FAM13A: variants seen among roughly 807,000 people sequenced by gnomAD.
FAM13A encodes the protein protein FAM13A.
FAM13A carries 76 observed loss-of-function variants against 129.6 expected under a neutral mutation model. The observed-to-expected ratio is 0.59, with a 90% CI of 0.49 to 0.71. The LOEUF (loss-of-function observed/expected upper bound fraction) is 0.71. FAM13A is among the 30% of genes least tolerant of loss of function. The pLI is 0.00. For missense variants in FAM13A, 1,108 were observed against 1,249.3 expected (o/e 0.89, Z 1.70); for synonymous variants, 443 against 449.9 (o/e 0.98, Z 0.20).
At chr4:88,799,646 G>C (rs1727014106) in intron 8 of FAM13A, among the ~76,000 whole-genome samples, 1 of 152,132 alleles carries the variant, frequency 6.6e-6, no homozygotes, top group African/African-American at 2.4e-5. Flanking sequence ...CACCATGCAC[G>C]GCTAATTTTT....
intron 8 of FAM13A, among the ~76,000 whole-genome samples, chr4:88,802,063 G>A (rs956368001): frequency 1.3e-5 from 2 of 152,236 alleles, no homozygotes; most frequent in Admixed American, 1.3e-4. Flanking sequence ...AAGTTGTTTT[G>A]ATGCTCAGCT....
At chr4:88,899,349 G>C (rs1372350140) in intron 6 of FAM13A, among the ~76,000 whole-genome samples, 1 of 151,986 alleles carries the variant, frequency 6.6e-6, no homozygotes. Context: ...GTGGGAAGGA[G>C]TTGAGGGATA....
At chr4:88,775,408 T>C (rs935837971) in intron 11 of FAM13A, among the ~76,000 whole-genome samples, 1 of 151,976 alleles carries the variant, frequency 6.6e-6, no homozygotes, top group Non-Finnish European at 1.5e-5. Flanking sequence ...TGTATAAATA[T>C]GAAAAGAAGA....
At chr4:88,938,316 T>G (rs1386531032) in intron 4 of FAM13A, 75 bp from the exon 5 acceptor site, 1 of 1,163,564 alleles carries the variant, frequency 8.6e-7, no homozygotes, top group Admixed American at 2.5e-5. Flanking sequence ...CAGACTTGTA[T>G]TTTGAAATCT....
At chr4:88,837,022 T>C (rs1264767734) in intron 7 of FAM13A, among the ~76,000 whole-genome samples, 2 of 151,972 alleles carry the variant, frequency 1.3e-5, no homozygotes, top group Non-Finnish European at 2.9e-5. Flanking sequence ...GAAACGAAGT[T>C]TCACTCTTGT....
At chr4:89,035,855 A>T (rs1769320008) in intron 1 of FAM13A, among the ~76,000 whole-genome samples, 1 of 152,206 alleles carries the variant, frequency 6.6e-6, no homozygotes, top group Admixed American at 6.5e-5. Context: ...TATCCTGTAC[A>T]GCCTGCAGAA....
At chr4:88,850,822 A>G (rs1385128957) in intron 7 of FAM13A, among the ~76,000 whole-genome samples, 198 bp downstream of exon 7, 3 of 152,226 alleles carry the variant, frequency 2.0e-5, no homozygotes, top group Non-Finnish European at 4.4e-5. Flanking sequence ...CTGGAAAACA[A>G]AACAACTAGA....
intron 6 of FAM13A, among the ~76,000 whole-genome samples, chr4:88,887,424 T>C (rs1333956237): frequency 2.6e-5 from 4 of 152,234 alleles, no homozygotes; most frequent in African/African-American, 9.6e-5. Flanking sequence ...TGACAGTTGC[T>C]TTTGTAAGGC....
chr4:89,008,392 C>T (rs1216329619), intron 3 of FAM13A, among the ~76,000 whole-genome samples: 1 of 152,090 alleles, frequency 6.6e-6, no homozygotes, highest in African/African-American at 2.4e-5. Flanking sequence ...AGACAAAAGG[C>T]TACGTGAGGA....
chr4:89,033,140 T>A (rs201747719), intron 1 of FAM13A, among the ~76,000 whole-genome samples: 37 of 98,424 alleles, frequency 3.8e-4, no homozygotes, highest in South Asian at 1.6e-3. Flanking sequence ...ACACACACTC[T>A]CTCTCTCTCT....
intron 7 of FAM13A, among the ~76,000 whole-genome samples, chr4:88,820,634 C>A (rs558109663): frequency 6.6e-6 from 1 of 152,096 alleles, no homozygotes; most frequent in South Asian, 2.1e-4. Context: ...GCTTTATAAG[C>A]GCTATAATCA....
chr4:88,989,036 C>T (rs928033454), intron 4 of FAM13A, among the ~76,000 whole-genome samples: 4 of 151,600 alleles, frequency 2.6e-5, no homozygotes, highest in East Asian at 3.9e-4. Context: ...GGTGAAACCC[C>T]GTCTCTACTA....
chr4:88,901,145 A>G (rs185882249), intron 6 of FAM13A, among the ~76,000 whole-genome samples: 49 of 152,324 alleles, frequency 3.2e-4, no homozygotes, highest in Non-Finnish European at 5.3e-4. Flanking sequence ...TTCATAAAGC[A>G]AGTTCTTAGA....
At chr4:89,000,299 A>T (rs1379945370) in intron 3 of FAM13A, among the ~76,000 whole-genome samples, 1 of 152,240 alleles carries the variant, frequency 6.6e-6, no homozygotes, top group African/African-American at 2.4e-5. Context: ...ACATGAATGG[A>T]TAAGTAAAAT....
intron 6 of FAM13A, among the ~76,000 whole-genome samples, chr4:88,880,400 A>G (rs1444546713): frequency 6.6e-6 from 1 of 152,118 alleles, no homozygotes; most frequent in Non-Finnish European, 1.5e-5. Context: ...GCGAAATATC[A>G]GAGTAGAGGA....
intron 1 of FAM13A, among the ~76,000 whole-genome samples, chr4:89,044,095 C>CAAAAAAAAAAAAAAAAAAAAAAAAAAAA (rs148233625): frequency 8.6e-6 from 1 of 116,168 alleles, no homozygotes; most frequent in African/African-American, 3.6e-5. Flanking sequence ...GAGACCATAT[C>CAAAAAAAAAAAAAAAAAAAAAAAAAAAA]AAAAAAAAAG....
chr4:88,849,121 G>A lies in FAM13A; in HGVS notation c.1007+1899C>T, dbSNP rs372325484. ...ATCTTATTTATGATTTCAGTGTCTAGTACATAATAGGCATGTAGTAAATGT... is the reference window on the plus strand; with the variant it reads ...ATCTTATTTATGATTTCAGTGTCTAATACATAATAGGCATGTAGTAAATGT... On this transcript the variant is annotated intron_variant, in intron 7 of 23. Coordinates refer to ENST00000264344, the MANE Select transcript of FAM13A (RefSeq NM_014883.4). 5.9e-5 allele frequency among the ~76,000 whole-genome samples: 9 copies of A among 152,284 alleles called. 1 individual carries two copies. The highest frequency in any genetic ancestry group is 2.2e-4 in the African/African-American group (9 of 41,556).
intron 7 of FAM13A, among the ~76,000 whole-genome samples, chr4:88,848,282 G>A (rs138999063): frequency 6.6e-6 from 1 of 152,148 alleles, no homozygotes; most frequent in African/African-American, 2.4e-5. Flanking sequence ...GTTGTACAGC[G>A]CTCAAGCTGC....
In FAM13A at chr4:88,732,145, G is replaced by A; in HGVS notation, c.2700C>T (p.Val900=). 6.2e-7 allele frequency: 1 copy of A among 1,613,530 alleles called. No homozygotes were observed. The highest frequency in any genetic ancestry group is 8.5e-7 in the Non-Finnish European group (1 of 1,179,692). Residue 900 remains valine, a synonymous_variant, in exon 22 of 24, where the codon GTC becomes GTT. Transcript: ENST00000264344. The part of the protein sequence containing the change: ...DDSNVKPDFM[V]TLKTDFSARC... ...GTGCACTGAAATCGGTTTTCAGAGT[G>A]ACCATGAAGTCTGGCTTCACATTGC... is the stretch of plus-strand genomic sequence containing the variant.
Sources: gnomAD v4.1 joint callset for allele counts (sites outside exome capture counted in the v4.1 genomes callset) on GRCh38, gnomAD v4.1.1 for gene constraint, MANE v1.5 for transcripts, NCBI Gene and HGNC (gene_info 2026-07-23, HGNC 2026-07-21) for gene names.